PARP15: variants seen among roughly 807,000 people sequenced by gnomAD.
The protein encoded by PARP15 is poly(ADP-ribose) polymerase family member 15, also known as protein mono-ADP-ribosyltransferase PARP15.
Under a neutral mutation model 62.1 loss-of-function variants are expected in PARP15, and 50 were observed. The observed-to-expected ratio is 0.81, with a 90% CI of 0.64 to 1.02. PARP15 has a LOEUF of 1.02. Ranked by LOEUF, PARP15 falls within the 50% of genes least tolerant of loss-of-function variation. The pLI is 0.00. For synonymous variants in PARP15, 309 were observed against 293.1 expected (o/e 1.05, Z -0.55); for missense variants, 820 against 826.5 (o/e 0.99, Z 0.10).
At chr3:122,591,608 A>T (rs1168448959) in intron 1 of PARP15, among the ~76,000 whole-genome samples, 8 of 152,022 alleles carry the variant, frequency 5.3e-5, no homozygotes, top group African/African-American at 1.9e-4. Flanking sequence ...TAAAAATACA[A>T]ATATTAGCTG....
At chr3:122,584,912 G>C (rs925656527) in intron 1 of PARP15, among the ~76,000 whole-genome samples, 1 of 152,034 alleles carries the variant, frequency 6.6e-6, no homozygotes, top group Non-Finnish European at 1.5e-5. Context: ...GTTAGGAATC[G>C]GTGTTAAATT....
chr3:122,578,183 G>A (rs937414323), intron 1 of PARP15, among the ~76,000 whole-genome samples: 1 of 151,910 alleles, frequency 6.6e-6, no homozygotes, highest in African/African-American at 2.4e-5. Context: ...TGCTTATGGG[G>A]GGCTTTTGTT....
At chr3:122,580,466 AAAT>A (rs1483249558) in intron 1 of PARP15, among the ~76,000 whole-genome samples, 1 of 152,202 alleles carries the variant, frequency 6.6e-6, no homozygotes, top group Admixed American at 6.5e-5. Flanking sequence ...TTATTTTTAA[AAAT>A]AATGATAAAA....
At chr3:122,617,589 C>T (rs1157691176) in intron 6 of PARP15, among the ~76,000 whole-genome samples, 1 of 152,228 alleles carries the variant, frequency 6.6e-6, no homozygotes, top group Non-Finnish European at 1.5e-5. Context: ...CTTCTCTTCT[C>T]TGCATTACAC....
At chr3:122,615,357 T>A (rs1204161628) in intron 4 of PARP15, 1 of 1,293,770 alleles carries the variant, frequency 7.7e-7, no homozygotes, top group Non-Finnish European at 1.0e-6. Context: ...AGAATGTACC[T>A]AACAGCCAAA....
At chr3:122,595,705 A>G (rs973124678) in intron 1 of PARP15, among the ~76,000 whole-genome samples, 17 of 151,654 alleles carry the variant, frequency 1.1e-4, no homozygotes, top group South Asian at 4.2e-4. Context: ...TAATTTTTGT[A>G]TTTTTTTTGT....
intron 1 of PARP15, among the ~76,000 whole-genome samples, chr3:122,597,536 A>G (rs1402999638): frequency 9.9e-5 from 15 of 152,176 alleles, no homozygotes; most frequent in African/African-American, 3.4e-4. Flanking sequence ...TGCTGGGATT[A>G]CAGATGTGAG....
chr3:122,611,496 G>A (rs1490474358), intron 3 of PARP15, among the ~76,000 whole-genome samples: 1 of 150,076 alleles, frequency 6.7e-6, no homozygotes, highest in African/African-American at 2.5e-5. Flanking sequence ...CCACCACGGG[G>A]CCTGGCTAAT....
chr3:122,594,524 G>T lies in PARP15; in HGVS notation c.187-11412G>T, dbSNP rs960882219. 3.1e-6 allele frequency: 3 copies of T among 981,330 alleles called. No individual in the cohort carries two copies. In the African/African-American group the frequency reaches 5.2e-5, roughly 17 times the overall value. The allele number at this position is 981,330 out of a possible 1,614,324, so 60.8% of individuals were successfully genotyped here. On this transcript the variant is annotated intron_variant, in intron 1 of 11. Transcript: ENST00000464300. ...AAACGATCTCAAATTGGAAGTCATT[G>T]TTAAAGATTGCTGTGTATTCAGGGT...
intron 1 of PARP15, among the ~76,000 whole-genome samples, chr3:122,588,501 A>C (rs905808822): frequency 5.3e-5 from 8 of 152,146 alleles, no homozygotes. Flanking sequence ...ATCTACTTTT[A>C]GAAATTTTCA....
At chr3:122,610,464 C>T in intron 2 of PARP15, 30 bp from the exon 3 acceptor site, 1 of 1,507,538 alleles carries the variant, frequency 6.6e-7, no homozygotes, top group Non-Finnish European at 9.0e-7. Flanking sequence ...ATTATTGATT[C>T]AATCTCTAAC....
chr3:122,616,923 G>A (rs1237028812), intron 5 of PARP15, 92 bp from the exon 6 acceptor site: 44 of 1,401,968 alleles, frequency 3.1e-5, no homozygotes, highest in Non-Finnish European at 4.1e-5. Flanking sequence ...AAGAAAGAGG[G>A]CTGAGCTGGG....
At position 122,626,957 on chromosome 3, in the gene PARP15, T is replaced by A; in HGVS notation, c.1362T>A (p.Asn454Lys). 6.2e-7 allele frequency: 1 copy of A among 1,614,034 alleles called. No individual in the cohort carries two copies. The highest frequency in any genetic ancestry group is 2.2e-5 in the East Asian group (1 of 44,868). ...TCATTTTTCAACCTGAGCTGCTAAA[T>A]ATATTCTACGACAGCATGAAAAAAA... Reference protein sequence around the residue: ...KVVIFQPELLNIFYDSMKKRD... With the variant: ...KVVIFQPELLKIFYDSMKKRD... The change falls in exon 9 of 12, where the codon AAT becomes AAA. Residue 454 changes from asparagine to lysine, a missense_variant. By Grantham distance (94) the Asn-to-Lys change is moderately conservative. Transcript: ENST00000464300.
chr3:122,638,482 G>C lies in PARP15; in HGVS notation c.*2382G>C, dbSNP rs1937474984. On this transcript the variant is annotated 3_prime_UTR_variant, in exon 12 of 12. Coordinates refer to ENST00000464300, the MANE Select transcript of PARP15 (RefSeq NM_001113523.3). ...ACCTGTTGCTTCCTAACTTTTTAAT[G>C]ATTGCCATTCTAACGGGTGTGGGAT... 2 of 152,182 alleles carry C rather than the reference G, an allele frequency of 1.3e-5. No homozygotes were observed. 9.4% of individuals were successfully genotyped at this position (152,182 alleles called of 1,614,324 possible).
chr3:122,624,639 C>T (rs1936576028), intron 8 of PARP15, among the ~76,000 whole-genome samples: 1 of 152,112 alleles, frequency 6.6e-6, no homozygotes, highest in South Asian at 2.1e-4. Context: ...ATATTTTAAC[C>T]ATCATGAATT....
intron 9 of PARP15, 129 bp from the exon 10 acceptor site, chr3:122,631,957 T>C: frequency 1.0e-6 from 1 of 978,478 alleles, no homozygotes; most frequent in South Asian, 1.4e-5. Flanking sequence ...AAGAAGCAAT[T>C]GTGAAATGTG....
intron 1 of PARP15, 70 bp from the exon 2 acceptor site, chr3:122,605,866 C>T (rs142514435): frequency 2.7e-5 from 40 of 1,493,008 alleles, no homozygotes; most frequent in Middle Eastern, 3.5e-4. Context: ...CAGACCTGAG[C>T]CACCGCACCT....
At chr3:122,592,618 T>A (rs1192629499) in intron 1 of PARP15, among the ~76,000 whole-genome samples, 3 of 146,830 alleles carry the variant, frequency 2.0e-5, no homozygotes, top group African/African-American at 5.0e-5. Flanking sequence ...AAATTAAAAT[T>A]AAAAAAAAAA....
chr3:122,627,084 AG>A, intron 9 of PARP15, 51 bp downstream of exon 9: 4 of 1,453,528 alleles, frequency 2.8e-6, no homozygotes, highest in Non-Finnish European at 3.8e-6. Flanking sequence ...ATAATCACTT[AG>A]AAAATGTTTA....
Sources: gnomAD v4.1 joint callset for allele counts (sites outside exome capture counted in the v4.1 genomes callset) on GRCh38, gnomAD v4.1.1 for gene constraint, MANE v1.5 for transcripts, NCBI Gene and HGNC (gene_info 2026-07-23, HGNC 2026-07-21) for gene names.